The following INPP4B variants were observed in gnomAD, a reference collection of about 807,000 sequenced individuals.
The protein encoded by INPP4B is inositol polyphosphate 4-phosphatase type II.
Under a neutral mutation model 122.5 loss-of-function variants are expected in INPP4B, and 55 were observed. The ratio of observed to expected loss-of-function variants is 0.45; its 90% CI spans 0.36 to 0.56. The LOEUF is 0.56. Among genes scored for constraint, INPP4B ranks in the 20% least tolerant of loss-of-function variants. The pLI, the probability that INPP4B is intolerant of heterozygous loss-of-function variation, is 0.00. For synonymous variants in INPP4B, 403 were observed against 388.7 expected (o/e 1.04, Z -0.43); for missense variants, 1,000 against 1,097.7 (o/e 0.91, Z 1.26).
At chr4:142,360,125 C>T (rs561361399) in intron 7 of INPP4B, among the ~76,000 whole-genome samples, 5 of 151,922 alleles carry the variant, frequency 3.3e-5, no homozygotes, top group Admixed American at 3.3e-4. Flanking sequence ...CATAAAATGG[C>T]CCCCATTATA....
chr4:142,115,896 T>A (rs888620968), intron 21 of INPP4B, among the ~76,000 whole-genome samples: 6 of 152,098 alleles, frequency 3.9e-5, no homozygotes, highest in African/African-American at 7.2e-5. Context: ...GACCCATCAG[T>A]GTGCTGTATT....
At chr4:142,454,945 A>G (rs1341434969) in intron 3 of INPP4B, among the ~76,000 whole-genome samples, 1 of 152,074 alleles carries the variant, frequency 6.6e-6, no homozygotes, top group Non-Finnish European at 1.5e-5. Context: ...GAAAGGAGTT[A>G]AAATTTGGAG....
chr4:142,388,384 GTTT>G (rs36025141), intron 7 of INPP4B, among the ~76,000 whole-genome samples: 1 of 148,084 alleles, frequency 6.8e-6, no homozygotes, highest in Non-Finnish European at 1.5e-5. Flanking sequence ...TGGAAAAAGG[GTTT>G]TTTTTTTTCC....
At chr4:142,452,924 G>A (rs1486816058) in intron 3 of INPP4B, among the ~76,000 whole-genome samples, 1 of 151,998 alleles carries the variant, frequency 6.6e-6, no homozygotes, top group Non-Finnish European at 1.5e-5. Flanking sequence ...AAAAAAAATG[G>A]AACACGAGCA....
chr4:142,560,530 A>T (rs1002351087), intron 2 of INPP4B: 1 of 152,148 alleles, frequency 6.6e-6, no homozygotes, highest in Admixed American at 6.5e-5. Flanking sequence ...AAGTTCCAAA[A>T]CCTCAAAAGT....
intron 12 of INPP4B, among the ~76,000 whole-genome samples, chr4:142,209,440 C>T (rs1843924339): frequency 6.6e-6 from 1 of 152,086 alleles, no homozygotes; most frequent in South Asian, 2.1e-4. Flanking sequence ...TGGAAGCAAA[C>T]ATGAGATACT....
intron 15 of INPP4B, among the ~76,000 whole-genome samples, chr4:142,178,806 G>GT (rs965374480): frequency 1.5e-5 from 2 of 131,458 alleles, no homozygotes; most frequent in Admixed American, 1.6e-4. Flanking sequence ...ATTTCCACTT[G>GT]TTTTTTTCTA....
At chr4:142,107,296 T>C (rs1253463743) in intron 23 of INPP4B, among the ~76,000 whole-genome samples, 1 of 152,180 alleles carries the variant, frequency 6.6e-6, no homozygotes, top group African/African-American at 2.4e-5. Context: ...AGTGAGCAAA[T>C]TGTTCATGAT....
At chr4:142,220,159 C>A (rs923213606) in intron 12 of INPP4B, among the ~76,000 whole-genome samples, 18 of 152,162 alleles carry the variant, frequency 1.2e-4, no homozygotes, top group Non-Finnish European at 1.8e-4. Flanking sequence ...CATGTACTCA[C>A]TTCCTAGGAA....
At chr4:142,538,025 T>A (rs1482931685) in intron 2 of INPP4B, among the ~76,000 whole-genome samples, 1 of 152,104 alleles carries the variant, frequency 6.6e-6, no homozygotes, top group Non-Finnish European at 1.5e-5. Flanking sequence ...AGAACTTTTA[T>A]ACCTTAAAAA....
intron 16 of INPP4B, among the ~76,000 whole-genome samples, 175 bp downstream of exon 16, chr4:142,173,457 G>A (rs1365130094): frequency 6.6e-6 from 1 of 150,504 alleles, no homozygotes; most frequent in African/African-American, 2.4e-5. Context: ...AGTAAGATTT[G>A]AACAGAGAAT....
At chr4:142,569,201 A>G (rs953077489) in intron 2 of INPP4B, among the ~76,000 whole-genome samples, 1 of 152,170 alleles carries the variant, frequency 6.6e-6, no homozygotes, top group Non-Finnish European at 1.5e-5. Context: ...TCTAAGAAAT[A>G]TAATATAAAA....
In INPP4B at chr4:142,246,032, A is replaced by ATTATATATATG. The variant is rs1268850963; in HGVS notation, c.689-8022_689-8021insCATATATATAA. Among the ~76,000 whole-genome samples the ATTATATATATG allele has an allele frequency of 8.4e-4, 114 of 135,486 alleles. 9 individuals are homozygous for ATTATATATATG. Among genetic ancestry groups the ATTATATATATG allele is most frequent in the African/African-American group, 3.1e-3 (109 of 35,178 alleles). The allele number at this position is 135,486 out of a possible 152,430, so 88.9% of individuals were successfully genotyped here. On this transcript the variant is annotated intron_variant, in intron 11 of 25. Transcript: ENST00000262992. The stretch of plus-strand genomic sequence containing the variant: ...TACACACATGTGTGTATGTACACAC[A>ATTATATATATG]CGTGTGTGTATACACACATTATATA...
At chr4:142,053,979 A>T (rs192775078) in intron 25 of INPP4B, among the ~76,000 whole-genome samples, 112 of 134,462 alleles carry the variant, frequency 8.3e-4, no homozygotes, top group African/African-American at 2.9e-3. Flanking sequence ...AAATGGTTTT[A>T]GGCAATTCTT....
intron 2 of INPP4B, among the ~76,000 whole-genome samples, chr4:142,563,284 A>G (rs1383986666): frequency 2.0e-5 from 3 of 152,144 alleles, no homozygotes; most frequent in Admixed American, 1.3e-4. Flanking sequence ...TGTGTTTGAG[A>G]GTGTTGGCTT....
intron 7 of INPP4B, among the ~76,000 whole-genome samples, chr4:142,342,083 T>C (rs1180635578): frequency 2.6e-5 from 4 of 152,174 alleles, no homozygotes; most frequent in Non-Finnish European, 4.4e-5. Context: ...TAATTTGTTA[T>C]AATTTCTCTA....
intron 7 of INPP4B, among the ~76,000 whole-genome samples, chr4:142,382,362 A>G (rs1015119777): frequency 1.3e-5 from 2 of 151,680 alleles, no homozygotes; most frequent in African/African-American, 4.8e-5. Flanking sequence ...TACAACAACT[A>G]GCTGGGCATG....
chr4:142,237,657 A>AATAGATAAC (rs1249200994), intron 12 of INPP4B, among the ~76,000 whole-genome samples: 2 of 151,984 alleles, frequency 1.3e-5, no homozygotes, highest in African/African-American at 4.8e-5. Context: ...TATCTATAGA[A>AATAGATAAC]ATAGATAACA....
chr4:142,051,344 C>T (rs1443748267), intron 25 of INPP4B, among the ~76,000 whole-genome samples: 4 of 151,656 alleles, frequency 2.6e-5, no homozygotes, highest in Admixed American at 6.6e-5. Context: ...TACAGTATTC[C>T]GTAAGTATTG....
Sources: allele counts gnomAD v4.1 joint callset (sites outside exome capture counted in the v4.1 genomes callset), GRCh38; gene constraint gnomAD v4.1.1; transcripts MANE v1.5; gene names NCBI Gene and HGNC (gene_info 2026-07-23, HGNC 2026-07-21).